The following CEP350 variants were observed in gnomAD, a reference collection of about 807,000 sequenced individuals.
The protein encoded by CEP350 is centrosomal protein 350, also known as centrosome-associated protein 350.
Under a neutral mutation model 331.8 loss-of-function variants are expected in CEP350, and 126 were observed. The observed-to-expected ratio is 0.38, with a 90% CI of 0.33 to 0.44. CEP350 has a LOEUF of 0.44. Ranked by LOEUF, CEP350 falls within the 20% of genes least tolerant of loss-of-function variation. The pLI is 1.00. For missense variants in CEP350, 3,406 were observed against 3,634.6 expected, an observed-to-expected ratio of 0.94 and a Z score of 1.62; for synonymous variants, 1,200 against 1,259.5, an observed-to-expected ratio of 0.95 and a Z score of 1.00.
chr1:180,006,980 G>A (rs1654304208), intron 8 of CEP350, among the ~76,000 whole-genome samples: 1 of 152,148 alleles, frequency 6.6e-6, no homozygotes. Context: ...TGCTATGTAT[G>A]TGTCACATTT....
Position 180,098,511 on chromosome 1 carries a change from T to C in CEP350, c.9067-352T>C, listed in dbSNP as rs183414567. ...ATGTACCACCATGCCCAGCTAATTT[T>C]ATATATTTTTTGTAGAGATGAGGTC... is the stretch of plus-strand genomic sequence containing the variant. On this transcript the variant is annotated intron_variant, in intron 36 of 37. Coordinates refer to ENST00000367607, the MANE Select transcript of CEP350 (RefSeq NM_014810.5). Among the ~76,000 whole-genome samples, 58 of 151,982 alleles carry C rather than the reference T, an allele frequency of 3.8e-4. 1 individual carries two copies. The highest frequency in any genetic ancestry group is 3.4e-3 in the Admixed American group (52 of 15,268).
At position 180,010,902 on chromosome 1, in the gene CEP350, G is replaced by T. The variant is rs531711441; in HGVS notation, c.1247-1027G>T. On this transcript the variant is annotated intron_variant, in intron 8 of 37. Coordinates refer to ENST00000367607, the MANE Select transcript of CEP350 (RefSeq NM_014810.5). ...TGGGATTATAGGCATGAGCCACCATGCCCGACCTCTGTTTCTTATATTACT... is the reference window on the plus strand; with the variant it reads ...TGGGATTATAGGCATGAGCCACCATTCCCGACCTCTGTTTCTTATATTACT... Among the ~76,000 whole-genome samples the T allele has an allele frequency of 4.6e-5, 7 of 152,076 alleles. 1 individual carries two copies. The South Asian group carries it at 1.5e-3, about 32-fold the overall frequency.
intron 1 of CEP350, among the ~76,000 whole-genome samples, 188 bp downstream of exon 1, chr1:179,955,330 G>T (rs1650086834): frequency 6.6e-6 from 1 of 152,204 alleles, no homozygotes; most frequent in African/African-American, 2.4e-5. Context: ...CTAGGTTTCG[G>T]GTCCCACCAG....
chr1:180,003,325 C>A, intron 7 of CEP350, 38 bp downstream of exon 7: 1 of 1,247,966 alleles, frequency 8.0e-7, no homozygotes, highest in Non-Finnish European at 1.1e-6. Flanking sequence ...AGTATTTTGT[C>A]ATACATGCTA....
At chr1:179,964,310 T>A (rs1345622506) in intron 1 of CEP350, among the ~76,000 whole-genome samples, 2 of 152,130 alleles carry the variant, frequency 1.3e-5, no homozygotes, top group African/African-American at 4.8e-5. Context: ...GCCTGATTCC[T>A]ATGGGTAGGA....
At position 180,014,328 on chromosome 1, in the gene CEP350, A is replaced by T; in HGVS notation, c.1875A>T (p.Lys625Asn). 1 of 1,591,220 alleles carries T rather than the reference A, an allele frequency of 6.3e-7. No individual in the cohort carries two copies. Among genetic ancestry groups the T allele is most frequent in the Non-Finnish European group, 8.6e-7 (1 of 1,168,400 alleles). Residue 625 changes from lysine to asparagine, a missense_variant, in exon 10 of 38, where the codon AAA becomes AAT. Physicochemically the swap from Lys to Asn is moderately conservative, Grantham distance 94. Coordinates refer to ENST00000367607, the MANE Select transcript of CEP350 (RefSeq NM_014810.5). Reference protein sequence around the residue: ...KKAQKEATEQKNKRLQELYRK... With the variant: ...KKAQKEATEQNNKRLQELYRK... Reference sequence around the variant, plus strand: ...CTCAAAAGGAGGCTACAGAACAGAAAAACAAACGATTACAAGAGCTCTACC... The same window carrying T: ...CTCAAAAGGAGGCTACAGAACAGAATAACAAACGATTACAAGAGCTCTACC...
Position 180,054,268 on chromosome 1 carries a change from T to C in CEP350, c.5175-147T>C. On this transcript the variant is annotated intron_variant, in intron 24 of 37. Coordinates refer to ENST00000367607, the MANE Select transcript of CEP350 (RefSeq NM_014810.5). ...AGTGAAATACTTATTTGGATATTAA[T>C]GGTTACGGCTACATGTAGCAACTGC... The C allele has an allele frequency of 5.8e-6, 4 of 686,990 alleles. No homozygotes were observed. In the South Asian group the frequency reaches 7.5e-5, roughly 13 times the overall value. 42.6% of individuals were successfully genotyped at this position (686,990 alleles called of 1,614,324 possible).
intron 19 of CEP350, 86 bp from the exon 20 acceptor site, chr1:180,042,969 CT>C: frequency 7.0e-7 from 1 of 1,433,882 alleles, no homozygotes; most frequent in Non-Finnish European, 9.4e-7. Flanking sequence ...AGTCAGTGAT[CT>C]TTCTTTCCAA....
In CEP350 at chr1:180,114,609, C is replaced by T. The variant is rs1661592092; in HGVS notation, c.*3448C>T. On this transcript the variant is annotated 3_prime_UTR_variant, in exon 38 of 38. Transcript: ENST00000367607. ...ATTGCAAAGCATTCTCTGGGAGGTT[C>T]AGCCTCCTTGTGTGTACTGTACTGT... 1 of 152,600 alleles carries T rather than the reference C, an allele frequency of 6.6e-6. No homozygotes were observed. Among genetic ancestry groups the T allele is most frequent in the Non-Finnish European group, 1.5e-5 (1 of 68,022 alleles). The allele number at this position is 152,600 out of a possible 1,614,324, so 9.5% of individuals were successfully genotyped here.
At position 179,996,728 on chromosome 1, in the gene CEP350, G is replaced by C. The variant is rs1336843111; in HGVS notation, c.571G>C (p.Asp191His). Residue 191 changes from aspartate (D) to histidine (H), a missense_variant, in exon 6 of 38, where the codon GAT becomes CAT. Physicochemically the swap from Asp to His is moderately conservative, Grantham distance 81 (BLOSUM62 -1). Around this residue, in one of 5 missense-constraint regions of CEP350, gnomAD observed 1,857 missense variants for 1,909.2 expected, o/e 0.97. Coordinates refer to ENST00000367607, the MANE Select transcript of CEP350 (RefSeq NM_014810.5). ...GAGCTCCCAATCATCTGTCATCAATGATACAGTTGTTAGGTTTTTAAATGA... is the reference window on the plus strand; with the variant it reads ...GAGCTCCCAATCATCTGTCATCAATCATACAGTTGTTAGGTTTTTAAATGA... ...FESSQSSVIN[D>H]TVVRFLNDRP... The C allele has an allele frequency of 6.2e-7, 1 of 1,613,422 alleles. No homozygotes were observed. Among genetic ancestry groups the C allele is most frequent in the Admixed American group, 1.7e-5 (1 of 59,930 alleles).
intron 19 of CEP350, among the ~76,000 whole-genome samples, chr1:180,042,620 A>AAGT (rs559438255): frequency 1.3e-5 from 2 of 152,244 alleles, no homozygotes; most frequent in Non-Finnish European, 2.9e-5. Context: ...GAATAGCTCA[A>AAGT]AGTAGTGCTT....
intron 22 of CEP350, among the ~76,000 whole-genome samples, chr1:180,052,759 T>C (rs1376996035): frequency 6.6e-6 from 1 of 152,208 alleles, no homozygotes; most frequent in Non-Finnish European, 1.5e-5. Context: ...TTAATCTTTA[T>C]ATGTCTTAAC....
intron 31 of CEP350, among the ~76,000 whole-genome samples, chr1:180,084,597 C>T (rs1659750645): frequency 6.6e-6 from 1 of 152,178 alleles, no homozygotes; most frequent in East Asian, 1.9e-4. Flanking sequence ...ATCTCCTGAC[C>T]TCGTGATCCC....
chr1:179,994,686 T>C (rs770997352), intron 5 of CEP350, among the ~76,000 whole-genome samples: 17 of 152,062 alleles, frequency 1.1e-4, no homozygotes, highest in Non-Finnish European at 2.1e-4. Flanking sequence ...ACTCCTGGGC[T>C]CAAGCAATCT....
chr1:179,972,890 A>G (rs1651560014), intron 1 of CEP350, among the ~76,000 whole-genome samples: 1 of 149,142 alleles, frequency 6.7e-6, no homozygotes. Context: ...TTTTTTTGAA[A>G]CAGAGTCTCA....
At chr1:180,063,588 G>A (rs1658374395) in intron 26 of CEP350, among the ~76,000 whole-genome samples, 1 of 151,882 alleles carries the variant, frequency 6.6e-6, no homozygotes, top group East Asian at 2.0e-4. Context: ...TAGGTGGGCA[G>A]ATCGCTTGAG....
chr1:180,034,103 G>C lies in CEP350; in HGVS notation c.3946+21G>C, dbSNP rs1457857820. 2.5e-6 allele frequency: 4 copies of C among 1,597,422 alleles called. No individual in the cohort carries two copies. In the African/African-American group the frequency reaches 5.4e-5, roughly 21 times the overall value. On this transcript the variant is annotated intron_variant, in intron 16 of 37. Transcript: ENST00000367607. ...ACCAGGTAAGTAGATTCATGCAATT[G>C]TAATTTTTAGAATACGATATGAAAT...
chr1:180,098,486 A>G (rs2149155665), intron 36 of CEP350, among the ~76,000 whole-genome samples: 1 of 152,110 alleles, frequency 6.6e-6, no homozygotes, highest in Middle Eastern at 3.4e-3. Context: ...AACTACAGTC[A>G]TGTACCACCA....
intron 27 of CEP350, among the ~76,000 whole-genome samples, chr1:180,065,697 G>A (rs1274550594): frequency 6.6e-6 from 1 of 151,894 alleles, no homozygotes; most frequent in African/African-American, 2.4e-5. Flanking sequence ...GATCAAGGCT[G>A]CAGTGAGCTA....
Sources: gnomAD v4.1 joint callset for allele counts (sites outside exome capture counted in the v4.1 genomes callset) on GRCh38, gnomAD v4.1.1 for gene constraint, gnomAD v4.1.1 regional missense constraint, MANE v1.5 for transcripts, NCBI Gene and HGNC (gene_info 2026-07-23, HGNC 2026-07-21) for gene names.